PCED1B: variants seen among roughly 807,000 people sequenced by gnomAD.
PCED1B encodes the protein PC-esterase domain-containing protein 1B.
For missense variants in PCED1B, 573 were observed against 573.9 expected, an observed-to-expected ratio of 1.00 and a Z score of 0.02; for synonymous variants, 251 against 246.1, an observed-to-expected ratio of 1.02 and a Z score of -0.19.
chr12:47,118,738 G>T (rs903150218), intron 2 of PCED1B, among the ~76,000 whole-genome samples: 2 of 152,086 alleles, frequency 1.3e-5, no homozygotes, highest in African/African-American at 4.8e-5. Flanking sequence ...AAAGTCATTG[G>T]TAGCTTGATG....
chr12:47,111,886 T>C (rs991670771), intron 2 of PCED1B, among the ~76,000 whole-genome samples: 1 of 152,198 alleles, frequency 6.6e-6, no homozygotes, highest in Non-Finnish European at 1.5e-5. Flanking sequence ...TTGTACATCT[T>C]TGAAGGAATT....
chr12:47,103,606 A>G (rs1322917381), intron 1 of PCED1B, among the ~76,000 whole-genome samples: 1 of 121,184 alleles, frequency 8.3e-6, no homozygotes, highest in East Asian at 2.2e-4. Flanking sequence ...CAAGTAATGA[A>G]AAATGAACCG....
At chr12:47,110,061 T>C (rs1939124914) in intron 2 of PCED1B, among the ~76,000 whole-genome samples, 2 of 152,210 alleles carry the variant, frequency 1.3e-5, no homozygotes, top group East Asian at 1.9e-4. Context: ...TTGGCCTGAA[T>C]GGTTGGCTTG....
chr12:47,083,904 C>T (rs854892), intron 1 of PCED1B, among the ~76,000 whole-genome samples: 105,314 of 152,032 alleles, frequency 0.69, 36,673 homozygotes, highest in South Asian at 0.75. Flanking sequence ...TGACATAGGC[C>T]GGACAGTTTT....
At chr12:47,138,646 C>A (rs1940477219) in intron 2 of PCED1B, among the ~76,000 whole-genome samples, 1 of 152,146 alleles carries the variant, frequency 6.6e-6, no homozygotes, top group African/African-American at 2.4e-5. Context: ...GTGTACAATG[C>A]CTTGAATGGA....
At chr12:47,173,151 C>A (rs1431285476) in intron 2 of PCED1B, among the ~76,000 whole-genome samples, 1 of 152,118 alleles carries the variant, frequency 6.6e-6, no homozygotes, top group Non-Finnish European at 1.5e-5. Context: ...TAAACTATGG[C>A]GGGTAGTAGA....
At chr12:47,116,414 A>G (rs1455206408) in intron 2 of PCED1B, among the ~76,000 whole-genome samples, 2 of 152,188 alleles carry the variant, frequency 1.3e-5, no homozygotes, top group African/African-American at 4.8e-5. Context: ...TTATGGAAAG[A>G]GTGAAGGTCT....
chr12:47,123,234 C>A (rs1939752131), intron 2 of PCED1B, among the ~76,000 whole-genome samples: 1 of 152,142 alleles, frequency 6.6e-6, no homozygotes, highest in Admixed American at 6.5e-5. Context: ...CCTTTCTTAA[C>A]AACTTTTGTT....
intron 1 of PCED1B, among the ~76,000 whole-genome samples, chr12:47,095,573 G>A (rs1025764217): frequency 1.3e-5 from 2 of 151,910 alleles, no homozygotes; most frequent in Non-Finnish European, 2.9e-5. Context: ...TCTTGTTCTT[G>A]CCATTGTTTC....
At chr12:47,088,124 CAT>C (rs951481909) in intron 1 of PCED1B, among the ~76,000 whole-genome samples, 2 of 152,204 alleles carry the variant, frequency 1.3e-5, no homozygotes, top group African/African-American at 4.8e-5. Context: ...TGAGATGAAA[CAT>C]GTAAAAAGTG....
At chr12:47,195,840 A>G (rs1942587093) in intron 2 of PCED1B, among the ~76,000 whole-genome samples, 1 of 152,242 alleles carries the variant, frequency 6.6e-6, no homozygotes, top group Admixed American at 6.5e-5. Context: ...TATTATGCCC[A>G]TGCAGATAGC....
chr12:47,123,763 CT>C (rs914627335), intron 2 of PCED1B, among the ~76,000 whole-genome samples: 4 of 152,068 alleles, frequency 2.6e-5, no homozygotes, highest in African/African-American at 7.2e-5. Flanking sequence ...ATCTATTATA[CT>C]TTCATTTTAC....
In PCED1B at chr12:47,084,436, A is replaced by G. The variant is rs376300350; in HGVS notation, c.-609+4711A>G. 1.2e-4 allele frequency among the ~76,000 whole-genome samples: 18 copies of G among 152,344 alleles called. No homozygotes were observed. In the East Asian group the frequency reaches 2.3e-3, roughly 20 times the overall value. ...TGTCTGTATTTTCATCACCCCAAAA[A>G]GAGGTCCTATGCCCATTAAGCAGTT... is the stretch of plus-strand genomic sequence containing the variant. On this transcript the variant is annotated intron_variant, in intron 1 of 3. Transcript: ENST00000546455.
intron 2 of PCED1B, among the ~76,000 whole-genome samples, chr12:47,179,637 C>T (rs552035272): frequency 3.3e-5 from 5 of 152,272 alleles, no homozygotes; most frequent in South Asian, 4.1e-4. Flanking sequence ...CCTCACGATG[C>T]CTCTGCTTCA....
At chr12:47,109,797 G>A (rs767331999) in intron 2 of PCED1B, among the ~76,000 whole-genome samples, 8 of 152,092 alleles carry the variant, frequency 5.3e-5, no homozygotes, top group Non-Finnish European at 1.2e-4. Context: ...GCATCCTAAG[G>A]TCAGTTAAAT....
chr12:47,193,123 C>T (rs11183785), intron 2 of PCED1B, among the ~76,000 whole-genome samples: 2,778 of 152,246 alleles, frequency 0.018, 101 homozygotes, highest in East Asian at 0.15. Flanking sequence ...GAGCTGTATT[C>T]TATTTGTCTT....
chr12:47,236,003 C>G lies in PCED1B; in HGVS notation c.940C>G (p.Pro314Ala), dbSNP rs762568579. ...GFPPQRLPLL[P>A]LLSPQPPPPI... is the part of the protein sequence containing the mutation. ...CCCACCCCAGCGCTTGCCGCTGCTC[C>G]CGCTCCTGTCCCCACAGCCTCCTCC... The change falls in exon 4 of 4, where the codon CCG becomes GCG. Residue 314 changes from proline (P) to alanine (A), a missense_variant. By Grantham distance (27) the Pro-to-Ala change is conservative. Coordinates refer to ENST00000546455, the MANE Select transcript of PCED1B (RefSeq NM_138371.3). The G allele has an allele frequency of 3.1e-6, 5 of 1,613,188 alleles. No homozygotes were observed. In the African/African-American group the frequency reaches 4.0e-5, roughly 13 times the overall value.
chr12:47,183,303 G>A (rs1279349359), intron 2 of PCED1B, among the ~76,000 whole-genome samples: 3 of 152,190 alleles, frequency 2.0e-5, no homozygotes, highest in South Asian at 2.1e-4. Flanking sequence ...ATCTCTTGCT[G>A]TCTAGGGATG....
intron 1 of PCED1B, among the ~76,000 whole-genome samples, chr12:47,080,936 C>T (rs1048423739): frequency 9.2e-5 from 14 of 152,126 alleles, no homozygotes; most frequent in African/African-American, 3.4e-4. Context: ...GGCGTGTGCG[C>T]GGAGGCTCTT....
Sources: gnomAD v4.1 joint callset for allele counts (sites outside exome capture counted in the v4.1 genomes callset) on GRCh38, gnomAD v4.1.1 for gene constraint, MANE v1.5 for transcripts, NCBI Gene and HGNC (gene_info 2026-07-23, HGNC 2026-07-21) for gene names.